Variants in PDE4D observed in about 807,000 individuals in gnomAD.
PDE4D encodes phosphodiesterase 4D.
A neutral mutation model predicts 87.4 loss-of-function variants in PDE4D; 24 were observed. The observed-to-expected ratio is 0.27, with a 90% CI of 0.20 to 0.39. PDE4D has a LOEUF of 0.39. Among genes scored for constraint, PDE4D ranks in the 10% least tolerant of loss-of-function variants. The pLI is 1.00. For synonymous variants in PDE4D, 384 were observed against 383.2 expected, an observed-to-expected ratio of 1.00 and a Z score of -0.02; for missense variants, 714 against 1,041.0, an observed-to-expected ratio of 0.69 and a Z score of 4.32.
At chr5:60,385,904 A>C (rs2150015545) in intron 1 of PDE4D, among the ~76,000 whole-genome samples, 1 of 152,104 alleles carries the variant, frequency 6.6e-6, no homozygotes, top group East Asian at 1.9e-4. Flanking sequence ...GGGCACTTCC[A>C]CCTGTGCCAC....
chr5:60,518,479 T>C (rs990410250), intron 1 of PDE4D, among the ~76,000 whole-genome samples: 1 of 152,172 alleles, frequency 6.6e-6, no homozygotes, highest in African/African-American at 2.4e-5. Flanking sequence ...GTAGGAAATA[T>C]AGAAAGAGAA....
At chr5:59,916,997 T>C (rs1180585863) in intron 3 of PDE4D, among the ~76,000 whole-genome samples, 1 of 125,844 alleles carries the variant, frequency 7.9e-6, no homozygotes, top group East Asian at 2.3e-4. Context: ...AGAGAGGGGG[T>C]TTCATCATTT....
intron 2 of PDE4D, among the ~76,000 whole-genome samples, chr5:59,991,340 A>T (rs1027681320): frequency 2.0e-5 from 3 of 152,146 alleles, no homozygotes. Context: ...AGACCAGCAG[A>T]TCTGGAATAG....
At chr5:59,792,423 T>TGTGTGTGC (rs1300891562) in intron 1 of PDE4D, among the ~76,000 whole-genome samples, 1 of 151,604 alleles carries the variant, frequency 6.6e-6, no homozygotes, top group Admixed American at 6.6e-5. Flanking sequence ...TGTGTGTGTG[T>TGTGTGTGC]GTGTGTGTGT....
At chr5:59,546,107 G>T (rs778008216) in intron 1 of PDE4D, among the ~76,000 whole-genome samples, 1 of 152,068 alleles carries the variant, frequency 6.6e-6, no homozygotes, top group Non-Finnish European at 1.5e-5. Flanking sequence ...AACCAATTTA[G>T]CTATGACAAT....
intron 1 of PDE4D, among the ~76,000 whole-genome samples, chr5:59,568,213 A>C (rs1821267024): frequency 6.6e-6 from 1 of 152,200 alleles, no homozygotes; most frequent in South Asian, 2.1e-4. Context: ...GGGATGTATC[A>C]AAGGGACACA....
At chr5:59,770,779 CA>C (rs1265119259) in intron 1 of PDE4D, among the ~76,000 whole-genome samples, 1 of 152,064 alleles carries the variant, frequency 6.6e-6, no homozygotes, top group Non-Finnish European at 1.5e-5. Context: ...TTCCATTCAA[CA>C]AACATTTATG....
chr5:60,177,966 T>C (rs949587993), intron 2 of PDE4D, among the ~76,000 whole-genome samples: 1 of 152,168 alleles, frequency 6.6e-6, no homozygotes. Flanking sequence ...TGTCTACATA[T>C]GCACAAATTA....
At chr5:60,372,240 C>A (rs1308494878) in intron 1 of PDE4D, among the ~76,000 whole-genome samples, 1 of 151,850 alleles carries the variant, frequency 6.6e-6, no homozygotes, top group Non-Finnish European at 1.5e-5. Context: ...TTGAGCCACC[C>A]TGCTTTCTTA....
At chr5:59,527,559 C>T (rs1199429263) in intron 1 of PDE4D, among the ~76,000 whole-genome samples, 1 of 152,100 alleles carries the variant, frequency 6.6e-6, no homozygotes, top group Non-Finnish European at 1.5e-5. Flanking sequence ...AAAATAAGAC[C>T]TATTCTTATT....
intron 1 of PDE4D, among the ~76,000 whole-genome samples, chr5:59,518,849 T>G (rs1811667959): frequency 6.6e-6 from 1 of 152,238 alleles, no homozygotes; most frequent in Admixed American, 6.5e-5. Flanking sequence ...GAAGAAACTT[T>G]ATATCACAAC....
intron 5 of PDE4D, chr5:59,063,206 A>C (rs1167723135): frequency 6.6e-6 from 1 of 152,194 alleles, no homozygotes; most frequent in Non-Finnish European, 1.5e-5. Context: ...ACTACTCTAG[A>C]CTGGTGACTT....
intron 3 of PDE4D, among the ~76,000 whole-genome samples, chr5:59,929,003 A>T (rs1755591116): frequency 6.6e-6 from 1 of 151,940 alleles, no homozygotes; most frequent in Admixed American, 6.6e-5. Flanking sequence ...TTGCTGTAGT[A>T]AAAAGGGCTT....
intron 6 of PDE4D, among the ~76,000 whole-genome samples, chr5:59,008,751 CTT>C (rs1472143659): frequency 1.3e-5 from 2 of 151,950 alleles, no homozygotes; most frequent in Non-Finnish European, 2.9e-5. Context: ...CCAAATTTCT[CTT>C]TGAAAAAAAC....
At chr5:59,144,906 A>T (rs1459702361) in intron 5 of PDE4D, among the ~76,000 whole-genome samples, 1 of 93,614 alleles carries the variant, frequency 1.1e-5, no homozygotes, top group South Asian at 4.7e-4. Context: ...GGGGGGGGGG[A>T]ACCATCCAGA....
intron 2 of PDE4D, among the ~76,000 whole-genome samples, chr5:60,076,942 C>G (rs577901112): frequency 1.3e-5 from 2 of 152,108 alleles, no homozygotes; most frequent in Non-Finnish European, 2.9e-5. Flanking sequence ...GGCTTGGGGG[C>G]GGGGACCCCC....
chr5:60,214,007 T>C (rs577678352), intron 1 of PDE4D, among the ~76,000 whole-genome samples: 35 of 152,358 alleles, frequency 2.3e-4, no homozygotes, highest in African/African-American at 8.4e-4. Flanking sequence ...GAGCCTATCA[T>C]AGTACATGAT....
intron 1 of PDE4D, among the ~76,000 whole-genome samples, chr5:60,444,319 G>C (rs1745469451): frequency 6.6e-6 from 1 of 152,060 alleles, no homozygotes. Context: ...CCAGGGCTAT[G>C]TCCTGCCATA....
intron 1 of PDE4D, among the ~76,000 whole-genome samples, chr5:59,248,236 C>T (rs537996479): frequency 1.5e-4 from 22 of 149,822 alleles, no homozygotes; most frequent in African/African-American, 2.2e-4. Flanking sequence ...GTCCTGTTCA[C>T]GCCTGGGCAT....
Sources: allele counts gnomAD v4.1 joint callset (sites outside exome capture counted in the v4.1 genomes callset), GRCh38; gene constraint gnomAD v4.1.1; transcripts MANE v1.5; gene names NCBI Gene and HGNC (gene_info 2026-07-23, HGNC 2026-07-21).